CNTLN: variants seen among roughly 807,000 people sequenced by gnomAD.
CNTLN encodes centlein, centrosomal protein.
Under a neutral mutation model 180.0 loss-of-function variants are expected in CNTLN, and 212 were observed. The observed-to-expected ratio is 1.18, with a 90% CI of 1.05 to 1.32. CNTLN has a LOEUF of 1.32. Among genes scored for constraint, CNTLN ranks in the 40% most tolerant of loss-of-function variants. CNTLN has a pLI of 0.00. For missense variants in CNTLN, 2,095 were observed against 1,610.9 expected, an observed-to-expected ratio of 1.30 and a Z score of -5.14; for synonymous variants, 722 against 563.1, an observed-to-expected ratio of 1.28 and a Z score of -3.99.
chr9:17,171,414 G>T (rs1231610176), intron 2 of CNTLN, among the ~76,000 whole-genome samples: 1 of 152,190 alleles, frequency 6.6e-6, no homozygotes, highest in Non-Finnish European at 1.5e-5. Context: ...TCTCCATGCA[G>T]TTTTGTCAGC....
chr9:17,270,450 C>T (rs1827849089), intron 5 of CNTLN, among the ~76,000 whole-genome samples: 1 of 152,054 alleles, frequency 6.6e-6, no homozygotes, highest in African/African-American at 2.4e-5. Context: ...CCTTATATTT[C>T]TGGAACCAAA....
intron 18 of CNTLN, among the ~76,000 whole-genome samples, chr9:17,450,963 A>G (rs1006518028): frequency 6.6e-6 from 1 of 152,132 alleles, no homozygotes; most frequent in Non-Finnish European, 1.5e-5. Context: ...AATCTGAACT[A>G]TTTACCTTTT....
chr9:17,296,116 C>T (rs1403900217), intron 6 of CNTLN, among the ~76,000 whole-genome samples: 1 of 150,892 alleles, frequency 6.6e-6, no homozygotes, highest in Non-Finnish European at 1.5e-5. Context: ...GATTCCTCTG[C>T]CTCAGCCTCC....
chr9:17,408,128 CAAAAAAAAAAAA>C lies in CNTLN; in HGVS notation c.2616-1152_2616-1141del, dbSNP rs34374959. Among the ~76,000 whole-genome samples the C allele has an allele frequency of 3.0e-3, 178 of 59,082 alleles. 1 individual carries two copies. Among genetic ancestry groups the C allele is most frequent in the African/African-American group, 0.012 (160 of 13,114 alleles). 38.8% of individuals were successfully genotyped at this position (59,082 alleles called of 152,430 possible). On this transcript the variant is annotated intron_variant, in intron 15 of 25. Coordinates refer to ENST00000380647, the MANE Select transcript of CNTLN (RefSeq NM_017738.4). ...GGTACAACAGAGTGAGACTCTGTCT[CAAAAAAAAAAAA>C]AAAAAAAAAAAAGACCAAGGAGATA...
the CNTLN span, among the ~76,000 whole-genome samples, chr9:17,518,974 A>G: frequency 1.7e-4 from 26 of 151,946 alleles, no homozygotes; most frequent in Non-Finnish European, 2.8e-4. Flanking sequence ...CCCAGGCTTG[A>G]GTACAGTGGT....
chr9:17,445,563 T>G (rs867904935), intron 18 of CNTLN, among the ~76,000 whole-genome samples: 1 of 152,194 alleles, frequency 6.6e-6, no homozygotes, highest in Admixed American at 6.5e-5. Flanking sequence ...CGGTGCAAGA[T>G]GTGCTTTGTT....
At chr9:17,284,948 G>C (rs1828888264) in intron 6 of CNTLN, among the ~76,000 whole-genome samples, 1 of 151,176 alleles carries the variant, frequency 6.6e-6, no homozygotes, top group Admixed American at 6.6e-5. Context: ...GAGACTCTGT[G>C]TGTTGTCTCT....
chr9:17,216,643 AGTTTACAT>A (rs1041653716), intron 2 of CNTLN, among the ~76,000 whole-genome samples: 39 of 152,130 alleles, frequency 2.6e-4, no homozygotes, highest in African/African-American at 9.2e-4. Context: ...TTAGAGTTAA[AGTTTACAT>A]GTTTGCATGT....
chr9:17,160,946 AAG>A (rs1819634902), intron 2 of CNTLN, among the ~76,000 whole-genome samples: 1 of 152,158 alleles, frequency 6.6e-6, no homozygotes, highest in South Asian at 2.1e-4. Flanking sequence ...AAGTTAGAGA[AAG>A]AGATAGCTCT....
At chr9:17,507,966 T>C (rs1833963350), downstream of CNTLN, among the ~76,000 whole-genome samples, 1 of 152,196 alleles carries the variant, frequency 6.6e-6, no homozygotes, top group South Asian at 2.1e-4. Flanking sequence ...CCCTGCCTTC[T>C]GTACTCTTAC....
chr9:17,144,728 G>A (rs1352980770), intron 2 of CNTLN, among the ~76,000 whole-genome samples: 1 of 151,618 alleles, frequency 6.6e-6, no homozygotes, highest in Non-Finnish European at 1.5e-5. Context: ...TTGATAAGGT[G>A]TAATGAGAAA....
intron 25 of CNTLN, among the ~76,000 whole-genome samples, chr9:17,489,162 C>G (rs1833027406): frequency 6.6e-6 from 1 of 151,904 alleles, no homozygotes; most frequent in African/African-American, 2.4e-5. Flanking sequence ...CTTTTCTTCT[C>G]TCTCAATCCA....
intron 10 of CNTLN, among the ~76,000 whole-genome samples, 179 bp from the exon 11 acceptor site, chr9:17,340,648 C>T (rs1299573743): frequency 6.6e-6 from 1 of 152,086 alleles, no homozygotes; most frequent in Non-Finnish European, 1.5e-5. Flanking sequence ...ATTTATCAAG[C>T]AAATGTATTC....
intron 18 of CNTLN, among the ~76,000 whole-genome samples, chr9:17,422,079 GTGTTGGCAAAAT>G (rs1828763392): frequency 6.6e-6 from 1 of 152,042 alleles, no homozygotes; most frequent in Non-Finnish European, 1.5e-5. Context: ...GACAGATCTG[GTGTTGGCAAAAT>G]TCTCAGCTTT....
intron 6 of CNTLN, among the ~76,000 whole-genome samples, chr9:17,293,021 C>T (rs1039818726): frequency 1.3e-5 from 2 of 152,226 alleles, no homozygotes; most frequent in Admixed American, 6.5e-5. Context: ...TCAGGCCCCT[C>T]TTCCGGAGGG....
intron 18 of CNTLN, among the ~76,000 whole-genome samples, chr9:17,418,259 C>G (rs993503275): frequency 6.6e-6 from 1 of 151,846 alleles, no homozygotes; most frequent in African/African-American, 2.4e-5. Context: ...ATAAATGTAA[C>G]TAGTGATTAA....
intron 8 of CNTLN, among the ~76,000 whole-genome samples, chr9:17,319,361 G>C (rs1819753419): frequency 6.6e-6 from 1 of 152,210 alleles, no homozygotes; most frequent in South Asian, 2.1e-4. Flanking sequence ...CAGGCTGATG[G>C]AGCTGGTCTA....
chr9:17,290,416 G>C (rs1159738918), intron 6 of CNTLN, among the ~76,000 whole-genome samples: 2 of 149,240 alleles, frequency 1.3e-5, no homozygotes, highest in Admixed American at 6.7e-5. Context: ...CTTCAAAGCT[G>C]TCAGACAGGG....
chr9:17,218,274 ATTTTATATCAAAGT>A (rs1380189169), intron 2 of CNTLN, among the ~76,000 whole-genome samples: 5 of 152,192 alleles, frequency 3.3e-5, no homozygotes, highest in African/African-American at 1.2e-4. Flanking sequence ...CCTTTAAAAC[ATTTTATATCAAAGT>A]TTTTACATGA....
Sources: allele counts gnomAD v4.1 joint callset (sites outside exome capture counted in the v4.1 genomes callset), GRCh38; gene constraint gnomAD v4.1.1; transcripts MANE v1.5; gene names NCBI Gene and HGNC (gene_info 2026-07-23, HGNC 2026-07-21).